KLHL33: variants seen among roughly 807,000 people sequenced by gnomAD.
KLHL33 encodes kelch-like protein 33.
In KLHL33, 46 loss-of-function variants were observed where a neutral mutation model predicts 60.8. The observed-to-expected ratio is 0.76, with a 90% CI of 0.60 to 0.97. The LOEUF (loss-of-function observed/expected upper bound fraction) is 0.97. Ranked by LOEUF, KLHL33 falls within the 50% of genes least tolerant of loss-of-function variation. The pLI is 0.00. For synonymous variants in KLHL33, 434 were observed against 432.2 expected (o/e 1.00, Z -0.05); for missense variants, 1,055 against 1,000.0 (o/e 1.05, Z -0.74).
intron 2 of KLHL33, among the ~76,000 whole-genome samples, chr14:20,434,688 T>C (rs1422118654): frequency 1.3e-5 from 2 of 152,212 alleles, no homozygotes; most frequent in Non-Finnish European, 2.9e-5. Context: ...TCCCCTGGCT[T>C]TCCTGTGTCC....
intron 2 of KLHL33, among the ~76,000 whole-genome samples, chr14:20,433,376 C>T (rs139996259): frequency 1.3e-5 from 2 of 152,346 alleles, no homozygotes; most frequent in East Asian, 1.9e-4. Flanking sequence ...CCAACTGAGG[C>T]ATGCGTGCCT....
At position 20,435,739 on chromosome 14, in the gene KLHL33, G is replaced by A. The variant is rs1880675319; in HGVS notation, c.73C>T (p.Leu25Phe). The change falls in exon 2 of 5, where the codon CTT becomes TTT. Residue 25 changes from leucine (L) to phenylalanine (F), a missense_variant. Transcript: ENST00000636854. ...CTCTGGGCGTGCACAAGGAGTCCAAGGCAGTCCCTCTGGACGGGATGAGAG... is the reference window on the plus strand; with the variant it reads ...CTCTGGGCGTGCACAAGGAGTCCAAAGCAGTCCCTCTGGACGGGATGAGAG... ...SVSHPVQRDC[L>F]GLLVHAQRTP... The A allele has an allele frequency of 8.1e-7, 1 of 1,234,676 alleles. No homozygotes were observed. The allele number at this position is 1,234,676 out of a possible 1,614,324, so 76.5% of individuals were successfully genotyped here.
chr14:20,429,712 A>T, intron 3 of KLHL33, 43 bp from the exon 4 acceptor site: 1 of 1,540,094 alleles, frequency 6.5e-7, no homozygotes, highest in Non-Finnish European at 8.8e-7. Context: ...GACTCTGGGC[A>T]TCCGTGGTTG....
In KLHL33 at chr14:20,429,511, T is replaced by C. The variant is rs370206398; in HGVS notation, c.1832A>G (p.Asn611Ser). 2.0e-4 allele frequency: 317 copies of C among 1,552,108 alleles called. No homozygotes were observed. Among genetic ancestry groups the C allele is most frequent in the Non-Finnish European group, 2.7e-4 (304 of 1,147,104 alleles). ...CCCCTTGCCTGCTTACCTCCAGACATTGAGCTCAGGGTTGTAGGTCTCCAC... is the reference window on the plus strand; with the variant it reads ...CCCCTTGCCTGCTTACCTCCAGACACTGAGCTCAGGGTTGTAGGTCTCCAC... ...DSVETYNPEL[N>S]VWRPAPALPA... Residue 611 changes from asparagine (N) to serine (S), a missense_variant, in exon 4 of 5, where the codon AAT becomes AGT. By Grantham distance (46) the Asn-to-Ser change is conservative. Coordinates refer to ENST00000636854, the MANE Select transcript of KLHL33 (RefSeq NM_001365790.2).
Position 20,435,147 on chromosome 14 carries a change from TC to T in KLHL33, c.664del (p.Glu222ArgfsTer18). Reference protein sequence around the residue: ...KKPSQAEELRENLRGIELLYR... With the variant: ...KKPSQAEELRXNLRGIELLYR... The stretch of plus-strand genomic sequence containing the variant: ...GAGGAGCTCGATTCCGCGCAGGTTC[TC>T]CCTCAGCTCCTCTGCCTGGCTGGGC... On this transcript the variant is annotated frameshift_variant, in exon 2 of 5. Coordinates refer to ENST00000636854, the MANE Select transcript of KLHL33 (RefSeq NM_001365790.2). LOFTEE classifies it high-confidence loss of function. 4.1e-6 allele frequency: 5 copies of T among 1,234,388 alleles called. No homozygotes were observed. Among genetic ancestry groups the T allele is most frequent in the Non-Finnish European group, 5.1e-6 (5 of 988,148 alleles). 76.5% of individuals were successfully genotyped at this position (1,234,388 alleles called of 1,614,324 possible).
At chr14:20,432,960 A>AAGAAAGAAAGAAAGAAAGAG (rs1566501859) in intron 2 of KLHL33, among the ~76,000 whole-genome samples, 26 of 151,650 alleles carry the variant, frequency 1.7e-4, no homozygotes, top group African/African-American at 5.8e-4. Context: ...GAAAGAAAGA[A>AAGAAAGAAAGAAAGAAAGAG]AGAAAGAAAG....
chr14:20,431,460 C>T (rs1043032366), intron 2 of KLHL33, among the ~76,000 whole-genome samples: 3 of 151,600 alleles, frequency 2.0e-5, no homozygotes, highest in Non-Finnish European at 2.9e-5. Flanking sequence ...GGTGTCGTGG[C>T]ACACACCTGT....
In KLHL33 at chr14:20,430,613, G is replaced by A. The variant is rs2139268144; in HGVS notation, c.855C>T (p.Thr285=). 1.3e-6 allele frequency: 2 copies of A among 1,536,554 alleles called. No homozygotes were observed. The highest frequency in any genetic ancestry group is 1.2e-5 in the South Asian group (1 of 84,022). The change falls in exon 3 of 5, where the codon ACC becomes ACT. Residue 285 remains threonine (T), a synonymous_variant. Transcript: ENST00000636854. ...AAGAGACGAGGAGTCGCAGGTCCTG[G>A]GTGGAGATCGTCCGCAGAGATACCT... ...GTEVSLRTIS[T]QDLRLLVSFA... is the part of the protein sequence containing the mutation.
In KLHL33 at chr14:20,426,963, C is replaced by T. The variant is rs1880298696; in HGVS notation, c.*1886G>A. On this transcript the variant is annotated 3_prime_UTR_variant, in exon 5 of 5. Transcript: ENST00000636854. Reference sequence around the variant, plus strand: ...AAACCAAACACCGCATGTTCTCACTCATAGGTGGGAATTGAACAATGAGAA... The same window carrying T: ...AAACCAAACACCGCATGTTCTCACTTATAGGTGGGAATTGAACAATGAGAA... The T allele has an allele frequency of 7.2e-6, 1 of 138,182 alleles. No individual in the cohort carries two copies. Among genetic ancestry groups the T allele is most frequent in the Admixed American group, 8.4e-5 (1 of 11,948 alleles). The allele number at this position is 138,182 out of a possible 1,614,324, so 8.6% of individuals were successfully genotyped here. A position where few individuals can be genotyped will look rare whatever the true frequency, so the allele number is the denominator to read the frequency against.
At position 20,429,129 on chromosome 14, in the gene KLHL33, C is replaced by T. The variant is rs1880395550; in HGVS notation, c.2114G>A (p.Arg705Lys). Residue 705 changes from arginine to lysine, a missense_variant, in exon 5 of 5, where the codon AGG becomes AAG. Coordinates refer to ENST00000636854, the MANE Select transcript of KLHL33 (RefSeq NM_001365790.2). ...DLLSFEAYEL[R>K]TDSWTHLAPL... Reference sequence around the variant, plus strand: ...TGCCAGGTGAGTCCAGCTATCAGTCCTTAGTTCATAGGCCTCAAAGCTTAG... The same window carrying T: ...TGCCAGGTGAGTCCAGCTATCAGTCTTTAGTTCATAGGCCTCAAAGCTTAG... The T allele has an allele frequency of 6.4e-7, 1 of 1,551,584 alleles. No individual in the cohort carries two copies. Among genetic ancestry groups the T allele is most frequent in the East Asian group, 2.4e-5 (1 of 40,926 alleles).
rs375892983 is a variant in KLHL33 at position 20,429,058 on chromosome 14, C to T, written c.2185G>A (p.Gly729Arg). The T allele has an allele frequency of 1.5e-5, 23 of 1,551,736 alleles. No homozygotes were observed. The highest frequency in any genetic ancestry group is 1.4e-4 in the African/African-American group (10 of 73,174). Residue 729 changes from glycine to arginine, a missense_variant, in exon 5 of 5, where the codon GGG becomes AGG. Transcript: ENST00000636854. ...HVGAASAVLQ[G>R]ELLVLGGYSH... ...TAGCCCCCGAGCACCAGTAGCTCCC[C>T]CTGCAGCACAGCACTTGCAGCCCCC...
rs8017603 is a variant in KLHL33, at chr14:20,435,747, C to T, written c.65G>A (p.Arg22Lys). Residue 22 changes from arginine (R) to lysine (K), a missense_variant, in exon 2 of 5, where the codon AGG (arginine) becomes AAG (lysine). Transcript: ENST00000636854. ...ELESVSHPVQRDCLGLLVHAQ... is the reference protein window; with the variant it reads ...ELESVSHPVQKDCLGLLVHAQ... ...GTGCACAAGGAGTCCAAGGCAGTCC[C>T]TCTGGACGGGATGAGAGACACTCTC... 0.49 allele frequency: 610,769 copies of T among 1,233,928 alleles called. 151,778 individuals are homozygous for T. Among genetic ancestry groups the T allele is most frequent in the Middle Eastern group, 0.61 (2,937 of 4,840 alleles). 76.4% of individuals were successfully genotyped at this position (1,233,928 alleles called of 1,614,324 possible). A position where few individuals can be genotyped will look rare whatever the true frequency, so the allele number is the denominator to read the frequency against.
rs1201870018 is a variant in KLHL33 at position 20,430,067 on chromosome 14, T to C, written c.1401A>G (p.Arg467=). The change falls in exon 3 of 5, where the codon AGA becomes AGG. Residue 467 remains arginine (R), a synonymous_variant. Coordinates refer to ENST00000636854, the MANE Select transcript of KLHL33 (RefSeq NM_001365790.2). ...CCAGTGCCCGGTCAGGCTCCCTCCG[T>C]CTCTCTTGGCCTGGAACATCAGCCT... is the stretch of plus-strand genomic sequence containing the variant. ...MVEADVPGQE[R]RREPDRALVV... is the part of the protein sequence containing the mutation. The C allele has an allele frequency of 1.9e-6, 3 of 1,551,572 alleles. No individual in the cohort carries two copies. The highest frequency in any genetic ancestry group is 2.6e-6 in the Non-Finnish European group (3 of 1,147,010).
chr14:20,432,962 GAA>G (rs1555330520), intron 2 of KLHL33, among the ~76,000 whole-genome samples: 1 of 151,142 alleles, frequency 6.6e-6, no homozygotes, highest in African/African-American at 2.4e-5. Context: ...AAGAAAGAAA[GAA>G]AGAAAGAAAG....
intron 3 of KLHL33, 57 bp from the exon 4 acceptor site, chr14:20,429,726 A>G (rs922296901): frequency 2.0e-6 from 3 of 1,530,920 alleles, no homozygotes; most frequent in Non-Finnish European, 2.6e-6. Flanking sequence ...GTGGTTGGCT[A>G]GGCCAGCAAT....
In KLHL33 at chr14:20,427,072, T is replaced by C. The variant is rs1478826325; in HGVS notation, c.*1777A>G. On this transcript the variant is annotated 3_prime_UTR_variant, in exon 5 of 5. Coordinates refer to ENST00000636854, the MANE Select transcript of KLHL33 (RefSeq NM_001365790.2). The stretch of plus-strand genomic sequence containing the variant: ...GGGGGAAGGATAGCATTAGGAGATA[T>C]ACCTAATGCTAAATGACGAGTTAAT... 2.0e-5 allele frequency: 3 copies of C among 147,794 alleles called. No homozygotes were observed. The highest frequency in any genetic ancestry group is 3.0e-5 in the Non-Finnish European group (2 of 66,864). 9.2% of individuals were successfully genotyped at this position (147,794 alleles called of 1,614,324 possible). A position where few individuals can be genotyped will look rare whatever the true frequency, so the allele number is the denominator to read the frequency against.
chr14:20,429,806 A>T lies in KLHL33; in HGVS notation c.1662T>A (p.Ala554=). ...CTAGAAGCTTATACCTGAGAGTTGA[A>T]GCCAGGGTGTTGGAGTGACTGTAGA... ...QDFYSHSNTL[A]STLRWEPSQE... Residue 554 remains alanine, a synonymous_variant, in exon 3 of 5, where the codon GCT becomes GCA. Transcript: ENST00000636854. 6.5e-7 allele frequency: 1 copy of T among 1,536,698 alleles called. No homozygotes were observed. Among genetic ancestry groups the T allele is most frequent in the Non-Finnish European group, 8.8e-7 (1 of 1,138,648 alleles).
intron 2 of KLHL33, 117 bp downstream of exon 2, chr14:20,434,947 T>G: frequency 1.1e-6 from 1 of 952,364 alleles, no homozygotes; most frequent in Non-Finnish European, 1.4e-6. Context: ...CCCAGGGAAA[T>G]TCTGACAGCA....
intron 2 of KLHL33, among the ~76,000 whole-genome samples, chr14:20,432,647 C>T (rs1230245025): frequency 2.6e-5 from 4 of 151,864 alleles, no homozygotes; most frequent in South Asian, 2.1e-4. Flanking sequence ...ACTGGCCAGG[C>T]GCGGTGGCTC....
Sources: gnomAD v4.1 joint callset for allele counts (sites outside exome capture counted in the v4.1 genomes callset) on GRCh38, gnomAD v4.1.1 for gene constraint, MANE v1.5 for transcripts, NCBI Gene and HGNC (gene_info 2026-07-23, HGNC 2026-07-21) for gene names.